Variants in PIP5K1B observed in about 807,000 individuals in gnomAD.
The protein encoded by PIP5K1B is phosphatidylinositol-4-phosphate 5-kinase type 1 beta.
PIP5K1B carries 42 observed loss-of-function variants against 67.0 expected under a neutral mutation model. The observed-to-expected ratio is 0.63, with a 90% CI of 0.49 to 0.81. The LOEUF (loss-of-function observed/expected upper bound fraction) is 0.81. PIP5K1B is among the 30% of genes least tolerant of loss of function. PIP5K1B has a pLI of 0.00. For missense variants in PIP5K1B, 459 were observed against 646.3 expected (o/e 0.71, Z 3.14); for synonymous variants, 214 against 231.4 (o/e 0.92, Z 0.68).
At chr9:68,961,305 TG>T (rs1828735273) in intron 14 of PIP5K1B, among the ~76,000 whole-genome samples, 1 of 151,448 alleles carries the variant, frequency 6.6e-6, no homozygotes, top group Non-Finnish European at 1.5e-5. Flanking sequence ...TTTGGGGAAA[TG>T]GAGTAACTAT....
At chr9:68,957,663 G>A (rs1255689692) in intron 14 of PIP5K1B, among the ~76,000 whole-genome samples, 1 of 152,148 alleles carries the variant, frequency 6.6e-6, no homozygotes, top group Admixed American at 6.5e-5. Context: ...AACTTAGCAA[G>A]GCTTCTTTGT....
At chr9:68,853,703 A>G (rs1411326171) in intron 4 of PIP5K1B, among the ~76,000 whole-genome samples, 1 of 152,178 alleles carries the variant, frequency 6.6e-6, no homozygotes, top group African/African-American at 2.4e-5. Context: ...GGGTCACCCC[A>G]GTCCTGTCTA....
intron 2 of PIP5K1B, chr9:68,780,033 C>G: frequency 8.0e-7 from 1 of 1,253,848 alleles, no homozygotes. Context: ...GCGCGAAGGG[C>G]TACGCATGCG....
chr9:68,941,253 A>G (rs1290717641), intron 14 of PIP5K1B: 2 of 372,672 alleles, frequency 5.4e-6, no homozygotes, highest in Non-Finnish European at 1.0e-5. Flanking sequence ...ATGTTACCTT[A>G]TATGGCAAAA....
intron 4 of PIP5K1B, among the ~76,000 whole-genome samples, chr9:68,824,698 T>A (rs1833895874): frequency 6.6e-6 from 1 of 152,196 alleles, no homozygotes. Flanking sequence ...GGTATTGATA[T>A]GAATAGCAAG....
chr9:68,749,242 T>C (rs562189372), intron 2 of PIP5K1B, among the ~76,000 whole-genome samples: 1 of 152,258 alleles, frequency 6.6e-6, no homozygotes, highest in East Asian at 1.9e-4. Flanking sequence ...ACAAGCATCC[T>C]AATGAGAAAG....
At chr9:68,766,533 T>C (rs1830436507) in intron 2 of PIP5K1B, among the ~76,000 whole-genome samples, 2 of 152,206 alleles carry the variant, frequency 1.3e-5, no homozygotes, top group Admixed American at 1.3e-4. Context: ...CTATATTTAC[T>C]GATATGGAAA....
intron 2 of PIP5K1B, among the ~76,000 whole-genome samples, chr9:68,805,155 C>T (rs1417390374): frequency 6.6e-6 from 1 of 152,214 alleles, no homozygotes; most frequent in African/African-American, 2.4e-5. Flanking sequence ...GCTGTCAGAG[C>T]ACCTGCCACA....
At chr9:68,911,908 AG>A (rs1044718202) in intron 8 of PIP5K1B, among the ~76,000 whole-genome samples, 1 of 152,250 alleles carries the variant, frequency 6.6e-6, no homozygotes, top group Admixed American at 6.5e-5. Flanking sequence ...AATTTAAAAA[AG>A]AAGTTTAGAG....
intron 14 of PIP5K1B, among the ~76,000 whole-genome samples, chr9:68,941,463 C>T (rs568409591): frequency 8.9e-4 from 135 of 152,184 alleles, no homozygotes; most frequent in African/African-American, 3.1e-3. Flanking sequence ...TCATTGCATG[C>T]CTGTAATCAA....
intron 1 of PIP5K1B, among the ~76,000 whole-genome samples, chr9:68,717,573 T>C (rs931996089): frequency 6.6e-6 from 1 of 152,194 alleles, no homozygotes; most frequent in Non-Finnish European, 1.5e-5. Flanking sequence ...AGCTTACAGA[T>C]GGCAAACTTC....
At chr9:68,796,409 A>T (rs1354371446) in intron 2 of PIP5K1B, among the ~76,000 whole-genome samples, 2 of 152,198 alleles carry the variant, frequency 1.3e-5, no homozygotes, top group Non-Finnish European at 2.9e-5. Context: ...AAAATACCTA[A>T]TTCAACTTTG....
At chr9:69,006,792 C>T (rs1020789461) in intron 15 of PIP5K1B, among the ~76,000 whole-genome samples, 18 of 152,232 alleles carry the variant, frequency 1.2e-4, no homozygotes, top group African/African-American at 4.3e-4. Context: ...AAACTATCAC[C>T]TCTTTTTGTT....
intron 12 of PIP5K1B, 70 bp from the exon 13 acceptor site, chr9:68,934,820 C>T: frequency 9.6e-7 from 1 of 1,043,862 alleles, no homozygotes; most frequent in Non-Finnish European, 1.3e-6. Context: ...ATAAAATATT[C>T]ACTTTTAAAT....
chr9:68,791,558 G>A (rs1489010616), intron 2 of PIP5K1B, among the ~76,000 whole-genome samples: 1 of 152,040 alleles, frequency 6.6e-6, no homozygotes, highest in African/African-American at 2.4e-5. Context: ...TTCCCTTGAT[G>A]CTCTCTTCTT....
intron 11 of PIP5K1B, 32 bp from the exon 12 acceptor site, chr9:68,923,270 G>A (rs1307158919): frequency 1.7e-6 from 2 of 1,178,018 alleles, no homozygotes; most frequent in Non-Finnish European, 2.5e-6. Flanking sequence ...ATTAAGAGGT[G>A]ACCCTGTGAT....
chr9:68,860,624 C>A (rs1222869929), intron 4 of PIP5K1B, among the ~76,000 whole-genome samples: 1 of 152,204 alleles, frequency 6.6e-6, no homozygotes. Flanking sequence ...TTTGCAAACA[C>A]TGATATGGAG....
chr9:69,004,227 G>A (rs995578769), intron 15 of PIP5K1B, among the ~76,000 whole-genome samples: 4 of 152,098 alleles, frequency 2.6e-5, no homozygotes, highest in Admixed American at 6.6e-5. Flanking sequence ...AACTATTAAC[G>A]ACACTTTTTA....
At chr9:68,914,009 A>G (rs1339503537) in intron 8 of PIP5K1B, among the ~76,000 whole-genome samples, 1 of 152,178 alleles carries the variant, frequency 6.6e-6, no homozygotes, top group Non-Finnish European at 1.5e-5. Flanking sequence ...GGGCCGGGAA[A>G]AAAGACTGCA....
Sources: gnomAD v4.1 joint callset for allele counts (sites outside exome capture counted in the v4.1 genomes callset) on GRCh38, gnomAD v4.1.1 for gene constraint, MANE v1.5 for transcripts, NCBI Gene and HGNC (gene_info 2026-07-23, HGNC 2026-07-21) for gene names.